DIAPH2: variants seen among roughly 807,000 people sequenced by gnomAD.
DIAPH2 encodes diaphanous related formin 2, also known as protein diaphanous homolog 2.
A neutral mutation model predicts 92.7 loss-of-function variants in DIAPH2; 35 were observed. The ratio of observed to expected loss-of-function variants is 0.38; its 90% CI spans 0.29 to 0.50. The LOEUF is 0.50. Ranked by LOEUF, DIAPH2 falls within the 20% of genes least tolerant of loss-of-function variation. DIAPH2 has a pLI of 0.94. For synonymous variants in DIAPH2, 301 were observed against 280.4 expected, an observed-to-expected ratio of 1.07 and a Z score of -0.73; for missense variants, 701 against 819.5, an observed-to-expected ratio of 0.86 and a Z score of 1.77.
At chrX:97,553,281 A>C (rs958402530) in intron 26 of DIAPH2, among the ~76,000 whole-genome samples, 72 of 112,402 alleles carry the variant, frequency 6.4e-4, no homozygotes, top group Admixed American at 1.5e-3. Context: ...AATTAATTAA[A>C]TATTCACAAC....
chrX:97,285,383 CAAAAAAAAAAA>C (rs11336007), intron 23 of DIAPH2, among the ~76,000 whole-genome samples: 149 of 38,118 alleles, frequency 3.9e-3, no homozygotes, highest in African/African-American at 0.016. Flanking sequence ...ACTAAAAATA[CAAAAAAAAAAA>C]AAAAAAAAAA....
At chrX:97,466,222 T>C (rs1475104303) in intron 26 of DIAPH2, among the ~76,000 whole-genome samples, 1 of 112,133 alleles carries the variant, frequency 8.9e-6, no homozygotes, top group African/African-American at 3.2e-5. Context: ...ACTGTAAAGA[T>C]ATCCCAAAGA....
At chrX:97,008,651 C>A (rs971738757) in intron 17 of DIAPH2, among the ~76,000 whole-genome samples, 4 of 111,895 alleles carry the variant, frequency 3.6e-5, no homozygotes. Flanking sequence ...GCATCCCAAG[C>A]CCACTAATGC....
At chrX:97,131,422 G>A (rs1234646018) in intron 21 of DIAPH2, among the ~76,000 whole-genome samples, 1 of 111,357 alleles carries the variant, frequency 9.0e-6, no homozygotes, top group Non-Finnish European at 1.9e-5. Context: ...CTAATGTTAA[G>A]TGCCATTTAA....
intron 25 of DIAPH2, among the ~76,000 whole-genome samples, chrX:97,385,802 A>G (rs1050100022): frequency 8.9e-6 from 1 of 112,013 alleles, no homozygotes; most frequent in Admixed American, 9.5e-5. Context: ...GGAATTTTAC[A>G]TTTAGGAACC....
intron 17 of DIAPH2, among the ~76,000 whole-genome samples, chrX:97,013,301 G>T (rs1488691691): frequency 9.0e-6 from 1 of 111,389 alleles, no homozygotes; most frequent in Non-Finnish European, 1.9e-5. Flanking sequence ...AGCCTTTCCT[G>T]GTATTCTCTC....
chrX:97,317,468 A>T (rs185629849), intron 23 of DIAPH2, among the ~76,000 whole-genome samples: 30 of 112,251 alleles, frequency 2.7e-4, no homozygotes, highest in African/African-American at 7.7e-4. Flanking sequence ...TTGTAAACAG[A>T]CATTCCTCTT....
At chrX:97,537,387 G>A (rs1277139589) in intron 26 of DIAPH2, among the ~76,000 whole-genome samples, 1 of 111,823 alleles carries the variant, frequency 8.9e-6, no homozygotes, top group Admixed American at 9.5e-5. Context: ...CATGATAGAC[G>A]GGAAGAGACA....
rs753527359 is a variant in DIAPH2 at position 97,600,669 on chromosome X, A to T, written c.*1352A>T. On this transcript the variant is annotated 3_prime_UTR_variant, in exon 27 of 27. Transcript: ENST00000324765. ...TGTGGTATAACTTCTCTGGAGTGCA[A>T]TTTTAAGTCTAATTCATGCAGATGA... 9 of 112,230 alleles carry T rather than the reference A, an allele frequency of 8.0e-5. No homozygotes were observed. The highest frequency in any genetic ancestry group is 1.5e-4 in the Non-Finnish European group (8 of 53,177). The allele number at this position is 112,230 out of a possible 1,213,427, so 9.2% of individuals were successfully genotyped here. A position where few individuals can be genotyped will look rare whatever the true frequency, so the allele number is the denominator to read the frequency against.
intron 23 of DIAPH2, among the ~76,000 whole-genome samples, chrX:97,304,491 A>G (rs1479014372): frequency 8.9e-6 from 1 of 112,538 alleles, no homozygotes; most frequent in Non-Finnish European, 1.9e-5. Flanking sequence ...TGAGAACAGA[A>G]CAACACTGAA....
At chrX:97,029,395 G>C (rs1264658858) in intron 17 of DIAPH2, among the ~76,000 whole-genome samples, 1 of 110,609 alleles carries the variant, frequency 9.0e-6, no homozygotes, top group Non-Finnish European at 1.9e-5. Context: ...CTATCCACCT[G>C]CCTCAGCTTC....
At chrX:97,443,157 TCTCAGAGTG>T (rs2070277103) in intron 26 of DIAPH2, among the ~76,000 whole-genome samples, 1 of 111,964 alleles carries the variant, frequency 8.9e-6, no homozygotes, top group East Asian at 2.8e-4. Flanking sequence ...TGCCTCGGCC[TCTCAGAGTG>T]CTAAGATTAC....
At chrX:97,237,433 A>G (rs2068056606) in intron 22 of DIAPH2, among the ~76,000 whole-genome samples, 1 of 110,606 alleles carries the variant, frequency 9.0e-6, no homozygotes, top group Non-Finnish European at 1.9e-5. Flanking sequence ...TAAAATCTCC[A>G]GGAGAAGACT....
At chrX:97,264,703 C>T (rs763183958) in intron 23 of DIAPH2, among the ~76,000 whole-genome samples, 9 of 112,129 alleles carry the variant, frequency 8.0e-5, no homozygotes, top group East Asian at 5.6e-4. Context: ...TGACTTTATT[C>T]GGCTGGGCGC....
At chrX:97,291,657 C>T (rs1228254077) in intron 23 of DIAPH2, among the ~76,000 whole-genome samples, 6 of 108,632 alleles carry the variant, frequency 5.5e-5, no homozygotes, top group Non-Finnish European at 1.1e-4. Context: ...CTCAGCCTCC[C>T]AAGTAGCTGA....
At chrX:97,456,134 T>TC (rs779514529) in intron 26 of DIAPH2, among the ~76,000 whole-genome samples, 3 of 112,545 alleles carry the variant, frequency 2.7e-5, no homozygotes, top group Non-Finnish European at 5.6e-5. Flanking sequence ...ACGCCTGTAA[T>TC]CCCAGCACTT....
At chrX:97,422,516 A>T (rs1349923135) in intron 25 of DIAPH2, among the ~76,000 whole-genome samples, 2 of 111,961 alleles carry the variant, frequency 1.8e-5, no homozygotes, top group African/African-American at 6.5e-5. Flanking sequence ...CTTCTATGGG[A>T]TCATTTAACA....
chrX:97,104,402 CT>C, intron 20 of DIAPH2, among the ~76,000 whole-genome samples: 1 of 109,324 alleles, frequency 9.1e-6, no homozygotes, highest in East Asian at 2.9e-4. Flanking sequence ...CCTCTTAAAG[CT>C]CTTAAAGAAA....
intron 21 of DIAPH2, among the ~76,000 whole-genome samples, chrX:97,135,791 A>G (rs2067166446): frequency 8.9e-6 from 1 of 111,905 alleles, no homozygotes; most frequent in Non-Finnish European, 1.9e-5. Flanking sequence ...ATTTAAAAAA[A>G]AGCACTTATG....
Sources: gnomAD v4.1 joint callset for allele counts (sites outside exome capture counted in the v4.1 genomes callset) on GRCh38, gnomAD v4.1.1 for gene constraint, MANE v1.5 for transcripts, NCBI Gene and HGNC (gene_info 2026-07-23, HGNC 2026-07-21) for gene names.